The following FAAH2 variants were observed in gnomAD, a reference collection of about 807,000 sequenced individuals.
The protein encoded by FAAH2 is fatty acid amide hydrolase 2.
Under a neutral mutation model 36.9 loss-of-function variants are expected in FAAH2, and 60 were observed. The observed-to-expected ratio is 1.63, with a 90% CI of 1.32 to 2.02. The LOEUF is 2.02. Ranked by LOEUF, FAAH2 falls within the 30% of genes most tolerant of loss-of-function variation. The pLI, the probability that FAAH2 is intolerant of heterozygous loss-of-function variation, is 0.00. For missense variants in FAAH2, 689 were observed against 397.5 expected (o/e 1.73, Z -6.23); for synonymous variants, 214 against 143.8 (o/e 1.49, Z -3.49).
At chrX:57,145,253 TGG>T in the FAAH2 span, among the ~76,000 whole-genome samples, 6 of 102,900 alleles carry the variant, frequency 5.8e-5, no homozygotes, top group Non-Finnish European at 1.2e-4. Context: ...ATCATTCTTT[TGG>T]GGGGGGGTAA....
At chrX:57,335,181 C>T (rs953555233) in intron 4 of FAAH2, among the ~76,000 whole-genome samples, 5 of 111,867 alleles carry the variant, frequency 4.5e-5, no homozygotes, top group Non-Finnish European at 9.4e-5. Context: ...ATGGGTTGCC[C>T]CTCCACACCT....
chrX:57,429,574 C>A (rs1460431034), intron 7 of FAAH2, among the ~76,000 whole-genome samples: 1 of 111,397 alleles, frequency 9.0e-6, no homozygotes, highest in African/African-American at 3.3e-5. Context: ...CACTCATAAG[C>A]TTTAGTAGAA....
intron 7 of FAAH2, among the ~76,000 whole-genome samples, chrX:57,402,757 G>C (rs1158709473): frequency 8.9e-6 from 1 of 111,750 alleles, no homozygotes; most frequent in Non-Finnish European, 1.9e-5. Context: ...CTTCTAACAC[G>C]CAAGTTAGCA....
the FAAH2 span, among the ~76,000 whole-genome samples, chrX:57,252,063 C>T: frequency 8.9e-6 from 1 of 112,850 alleles, no homozygotes; most frequent in African/African-American, 3.2e-5. Flanking sequence ...GACCTGCAGA[C>T]CAGGAGACCT....
chrX:57,161,772 T>G, the FAAH2 span, among the ~76,000 whole-genome samples: 1 of 111,654 alleles, frequency 9.0e-6, no homozygotes. Context: ...GTGAGATGGG[T>G]CTCCTGAATA....
the FAAH2 span, among the ~76,000 whole-genome samples, chrX:57,255,877 G>A: frequency 8.9e-6 from 1 of 111,812 alleles, no homozygotes; most frequent in Non-Finnish European, 1.9e-5. Context: ...AGAAAAGGAT[G>A]CCCTCTCTCA....
chrX:57,421,220 C>A (rs765340954), intron 7 of FAAH2, among the ~76,000 whole-genome samples: 1 of 111,767 alleles, frequency 8.9e-6, no homozygotes, highest in East Asian at 2.8e-4. Flanking sequence ...CCAAGGCAGG[C>A]GGATCACAAG....
chrX:57,267,699 C>A, the FAAH2 span, among the ~76,000 whole-genome samples: 1 of 112,123 alleles, frequency 8.9e-6, no homozygotes, highest in Non-Finnish European at 1.9e-5. Context: ...CAATACAAGT[C>A]CTGCAGATTT....
chrX:57,185,122 A>G, the FAAH2 span, among the ~76,000 whole-genome samples: 1 of 111,131 alleles, frequency 9.0e-6, no homozygotes. Flanking sequence ...AATGTACAAT[A>G]AAATTATTAA....
rs139897286 is a variant in FAAH2, at chrX:57,386,979, G to C, written c.996+5950G>C. ...TCATTTAGGAGTTTCATTTCATATT[G>C]GATAAGTTTAGAACAGGCTCTAGTG... On this transcript the variant is annotated intron_variant, in intron 7 of 10. Coordinates refer to ENST00000374900, the MANE Select transcript of FAAH2 (RefSeq NM_174912.4). Among the ~76,000 whole-genome samples, 100 of 112,040 alleles carry C rather than the reference G, an allele frequency of 8.9e-4. 1 individual carries two copies. The highest frequency in any genetic ancestry group is 1.8e-3 in the Non-Finnish European group (94 of 53,099).
chrX:57,221,353 G>A, the FAAH2 span, among the ~76,000 whole-genome samples: 2 of 111,070 alleles, frequency 1.8e-5, no homozygotes, highest in Non-Finnish European at 3.8e-5. Context: ...TCCCCCATCT[G>A]TAGTTAACCC....
At chrX:57,200,554 A>G in the FAAH2 span, among the ~76,000 whole-genome samples, 7 of 110,277 alleles carry the variant, frequency 6.3e-5, no homozygotes, top group African/African-American at 2.3e-4. Context: ...AATGTTTTGT[A>G]TATTAGTAGA....
chrX:57,342,262 G>A (rs1048359823), intron 5 of FAAH2, among the ~76,000 whole-genome samples: 1 of 111,168 alleles, frequency 9.0e-6, no homozygotes, highest in Non-Finnish European at 1.9e-5. Flanking sequence ...GCAAACTAAC[G>A]CAGGAACAGA....
chrX:57,363,707 A>G (rs1443598919), intron 5 of FAAH2, among the ~76,000 whole-genome samples: 1 of 111,044 alleles, frequency 9.0e-6, no homozygotes, highest in Non-Finnish European at 1.9e-5. Flanking sequence ...TAGTTTTTCA[A>G]TGATGGTTCT....
At chrX:57,483,671 G>T (rs1224682073) in intron 10 of FAAH2, among the ~76,000 whole-genome samples, 1 of 108,969 alleles carries the variant, frequency 9.2e-6, no homozygotes, top group Non-Finnish European at 1.9e-5. Flanking sequence ...TGTTCAGATG[G>T]TATTTTTCTT....
chrX:57,164,102 A>G, the FAAH2 span, among the ~76,000 whole-genome samples: 1 of 112,172 alleles, frequency 8.9e-6, no homozygotes, highest in Non-Finnish European at 1.9e-5. Flanking sequence ...TCTGAACAAT[A>G]TACCTGACTT....
chrX:57,371,296 T>C (rs2054543540), intron 5 of FAAH2, among the ~76,000 whole-genome samples: 1 of 111,548 alleles, frequency 9.0e-6, no homozygotes, highest in African/African-American at 3.3e-5. Context: ...CTAAACTCTA[T>C]GTCCATGTGT....
rs1336896438 is a variant in FAAH2, at chrX:57,378,781, C to T, written c.873C>T (p.Ile291=). 3 of 1,206,189 alleles carry T rather than the reference C, an allele frequency of 2.5e-6. No individual in the cohort carries two copies. The highest frequency in any genetic ancestry group is 1.8e-5 in the South Asian group (1 of 56,307). Residue 291 remains isoleucine (I), a synonymous_variant, in exon 6 of 11, where the codon ATC becomes ATT. Transcript: ENST00000374900. ...PMLKVMAGPG[I]KRLKLDTKVH... ...TGAAGGTCATGGCAGGACCTGGGATCAAAAGGTATGTTCATTTATTTTTAT... is the reference window on the plus strand; with the variant it reads ...TGAAGGTCATGGCAGGACCTGGGATTAAAAGGTATGTTCATTTATTTTTAT...
chrX:57,455,214 C>A (rs1192133951), intron 10 of FAAH2, among the ~76,000 whole-genome samples: 1 of 111,230 alleles, frequency 9.0e-6, no homozygotes, highest in Admixed American at 9.6e-5. Context: ...ACTTCATAAG[C>A]AAACGAGAAA....
Sources: allele counts gnomAD v4.1 joint callset (sites outside exome capture counted in the v4.1 genomes callset), GRCh38; gene constraint gnomAD v4.1.1; transcripts MANE v1.5; gene names NCBI Gene and HGNC (gene_info 2026-07-23, HGNC 2026-07-21).